Variants in DOCK2 observed in about 807,000 individuals in gnomAD.
DOCK2 encodes the protein dedicator of cytokinesis 2.
A neutral mutation model predicts 248.9 loss-of-function variants in DOCK2; 87 were observed. The observed-to-expected ratio is 0.35, with a 90% confidence interval of 0.29 to 0.42. The LOEUF is 0.42. Among genes scored for constraint, DOCK2 ranks in the 10% least tolerant of loss-of-function variants. The pLI, the probability that DOCK2 is intolerant of heterozygous loss-of-function variation, is 1.00. For missense variants in DOCK2, 1,747 were observed against 2,300.2 expected (o/e 0.76, Z 4.92); for synonymous variants, 805 against 821.6 (o/e 0.98, Z 0.35).
chr5:169,644,318 C>T (rs1215923508), intron 1 of DOCK2, among the ~76,000 whole-genome samples: 1 of 152,074 alleles, frequency 6.6e-6, no homozygotes, highest in Non-Finnish European at 1.5e-5. Context: ...AGTTAGGCAG[C>T]AACAGTGATA....
At chr5:169,994,527 G>A (rs548698151) in intron 29 of DOCK2, among the ~76,000 whole-genome samples, 3 of 152,176 alleles carry the variant, frequency 2.0e-5, no homozygotes, top group Non-Finnish European at 2.9e-5. Context: ...TAACCTCAGA[G>A]AATGGGGGTG....
chr5:169,912,570 C>T (rs1774658268), intron 27 of DOCK2, among the ~76,000 whole-genome samples: 1 of 152,048 alleles, frequency 6.6e-6, no homozygotes, highest in Non-Finnish European at 1.5e-5. Context: ...CACTTAAAAC[C>T]ATTACGTTGT....
At chr5:170,057,716 G>GCACA in intron 44 of DOCK2, 50 bp downstream of exon 44, 1 of 1,500,272 alleles carries the variant, frequency 6.7e-7, no homozygotes, top group South Asian at 1.3e-5. Flanking sequence ...GATGGGCAGG[G>GCACA]CACAGCCAGT....
chr5:169,712,055 A>C (rs763085831), intron 16 of DOCK2, 48 bp downstream of exon 16: 1 of 1,612,450 alleles, frequency 6.2e-7, no homozygotes, highest in South Asian at 1.1e-5. Context: ...CTAAGGGGAG[A>C]AGAATGGAAG....
At chr5:169,691,769 C>T (rs1035855254) in intron 9 of DOCK2, among the ~76,000 whole-genome samples, 3 of 152,114 alleles carry the variant, frequency 2.0e-5, no homozygotes, top group Admixed American at 2.0e-4. Context: ...TTGAGCCTCT[C>T]TGAGCCTCTC....
intron 27 of DOCK2, among the ~76,000 whole-genome samples, chr5:169,889,333 T>C (rs981028596): frequency 9.2e-5 from 14 of 152,332 alleles, no homozygotes; most frequent in Non-Finnish European, 1.9e-4. Context: ...TACGGCAGCT[T>C]TAATTTGGTT....
At chr5:170,080,378 C>A in intron 50 of DOCK2, 95 bp downstream of exon 50, 1 of 1,553,466 alleles carries the variant, frequency 6.4e-7, no homozygotes, top group Non-Finnish European at 8.7e-7. Context: ...GTCTACACAA[C>A]AAAGTGGGCC....
chr5:169,966,371 A>G (rs1177224954), intron 27 of DOCK2, among the ~76,000 whole-genome samples: 1 of 152,216 alleles, frequency 6.6e-6, no homozygotes, highest in African/African-American at 2.4e-5. Flanking sequence ...GCTTTACCAC[A>G]TAACCCATTG....
chr5:169,954,245 G>T (rs1776777351), intron 27 of DOCK2, among the ~76,000 whole-genome samples: 1 of 152,148 alleles, frequency 6.6e-6, no homozygotes, highest in Non-Finnish European at 1.5e-5. Context: ...AGCAATCGCT[G>T]GACATTTTTG....
intron 1 of DOCK2, among the ~76,000 whole-genome samples, chr5:169,644,348 G>A (rs997872738): frequency 1.3e-5 from 2 of 152,136 alleles, no homozygotes; most frequent in Admixed American, 6.5e-5. Context: ...AAGAGATGGC[G>A]GTGGCTTGCA....
chr5:170,045,872 G>C lies in DOCK2; in HGVS notation c.3933G>C (p.Glu1311Asp). 6.2e-7 allele frequency: 1 copy of C among 1,614,190 alleles called. No individual in the cohort carries two copies. The highest frequency in any genetic ancestry group is 8.5e-7 in the Non-Finnish European group (1 of 1,180,032). Residue 1311 changes from glutamate to aspartate, a missense_variant, in exon 39 of 52, where the codon GAG becomes GAC. Transcript: ENST00000520908. Reference sequence around the variant, plus strand: ...AGCTGGCGGAACAGTACGAGATGGAGATCTTTGACTATGAGCTGCTCAGCC... The same window carrying C: ...AGCTGGCGGAACAGTACGAGATGGACATCTTTGACTATGAGCTGCTCAGCC... ...CKELAEQYEM[E>D]IFDYELLSQN... is the part of the protein sequence containing the mutation.
chr5:169,998,723 G>C (rs1754733347), intron 30 of DOCK2, among the ~76,000 whole-genome samples: 2 of 152,238 alleles, frequency 1.3e-5, no homozygotes, highest in Admixed American at 6.5e-5. Context: ...CCACCCAGAT[G>C]ACTACAGCCA....
At chr5:169,961,971 T>C (rs1777103279) in intron 27 of DOCK2, among the ~76,000 whole-genome samples, 2 of 14,010 alleles carry the variant, frequency 1.4e-4, no homozygotes, top group African/African-American at 2.3e-3. Flanking sequence ...AAAGTGAGAC[T>C]CTGTCCCAAA....
intron 27 of DOCK2, among the ~76,000 whole-genome samples, chr5:169,851,185 A>G (rs1770601831): frequency 6.6e-6 from 1 of 152,256 alleles, no homozygotes; most frequent in South Asian, 2.1e-4. Flanking sequence ...GAACAAATTA[A>G]TGACAAGCTT....
chr5:169,722,479 G>A (rs1387858102), intron 22 of DOCK2, among the ~76,000 whole-genome samples: 1 of 152,200 alleles, frequency 6.6e-6, no homozygotes, highest in East Asian at 1.9e-4. Context: ...TAGAGTGCAA[G>A]GGGCAGCATG....
At chr5:169,695,747 A>C in intron 9 of DOCK2, 56 bp from the exon 10 acceptor site, 6 of 1,603,376 alleles carry the variant, frequency 3.7e-6, no homozygotes, top group Non-Finnish European at 5.1e-6. Context: ...TTTCTTGTCT[A>C]CCTTTTTTCC....
At chr5:169,913,711 C>T (rs1365652451) in intron 27 of DOCK2, among the ~76,000 whole-genome samples, 1 of 100,600 alleles carries the variant, frequency 9.9e-6, no homozygotes, top group Non-Finnish European at 1.9e-5. Context: ...TTACCACGCC[C>T]TCTGCCTGGA....
intron 30 of DOCK2, among the ~76,000 whole-genome samples, chr5:170,002,384 T>C (rs1384112837): frequency 2.0e-5 from 3 of 152,158 alleles, no homozygotes; most frequent in Non-Finnish European, 4.4e-5. Flanking sequence ...TTGCAAGATA[T>C]ATTGGTAAGA....
intron 30 of DOCK2, 66 bp downstream of exon 30, chr5:169,996,230 T>C: frequency 1.3e-6 from 2 of 1,529,336 alleles, no homozygotes; most frequent in African/African-American, 2.7e-5. Flanking sequence ...CTGGGCTGAT[T>C]GCTCCATCAG....
Sources: allele counts gnomAD v4.1 joint callset (sites outside exome capture counted in the v4.1 genomes callset), GRCh38; gene constraint gnomAD v4.1.1; transcripts MANE v1.5; gene names NCBI Gene and HGNC (gene_info 2026-07-23, HGNC 2026-07-21).